Variants in XXYLT1 observed in about 807,000 individuals in gnomAD.
The protein encoded by XXYLT1 is xyloside xylosyltransferase 1.
In XXYLT1, 20 loss-of-function variants were observed where a neutral mutation model predicts 28.9. That is an observed-to-expected ratio of 0.69 (90% confidence interval 0.49 to 1.00). The LOEUF is 1.00. XXYLT1 is among the 50% of genes least tolerant of loss of function. The pLI is 0.00. For synonymous variants in XXYLT1, 257 were observed against 253.8 expected (o/e 1.01, Z -0.12); for missense variants, 542 against 560.1 (o/e 0.97, Z 0.33).
chr3:195,154,336 G>GGCACTAGGAGGCATGT (rs893366466), intron 3 of XXYLT1, among the ~76,000 whole-genome samples: 1 of 152,058 alleles, frequency 6.6e-6, no homozygotes, highest in Non-Finnish European at 1.5e-5. Flanking sequence ...GCAAAACGGT[G>GGCACTAGGAGGCATGT]GCACTAGGAG....
rs1723269402 is a variant in XXYLT1, at chr3:195,210,524, T to C, written c.652+16185A>G. Among the ~76,000 whole-genome samples the C allele has an allele frequency of 6.6e-6, 1 of 152,156 alleles. No homozygotes were observed. Among genetic ancestry groups the C allele is most frequent in the African/African-American group, 2.4e-5 (1 of 41,416 alleles). On this transcript the variant is annotated intron_variant, in intron 2 of 3. Coordinates refer to ENST00000310380, the MANE Select transcript of XXYLT1 (RefSeq NM_152531.5). This position sits in a 1 kb window ranked among gnomAD's most constrained non-coding sequence, Gnocchi z 4.8. ...TAGCCAAGAATTTAAAAGAAGATCT[T>C]GACAAATTAAAAGACAGAATCTAAT...
chr3:195,270,503 C>T, intron 1 of XXYLT1, 52 bp downstream of exon 1: 1 of 1,357,404 alleles, frequency 7.4e-7, no homozygotes, highest in East Asian at 3.1e-5. Context: ...ACTGACCTCG[C>T]CTAGGATGGG....
chr3:195,220,109 G>A (rs1306178677), intron 2 of XXYLT1, among the ~76,000 whole-genome samples: 1 of 152,106 alleles, frequency 6.6e-6, no homozygotes, highest in South Asian at 2.1e-4. Flanking sequence ...GGCTGGGGCG[G>A]ATATATGAAG....
intron 1 of XXYLT1, among the ~76,000 whole-genome samples, chr3:195,251,596 G>A (rs928045204): frequency 6.6e-6 from 1 of 152,176 alleles, no homozygotes; most frequent in African/African-American, 2.4e-5. Context: ...GAACGCTCTC[G>A]GAAGGTTGGC....
intron 1 of XXYLT1, among the ~76,000 whole-genome samples, chr3:195,258,934 TG>T (rs1467694157): frequency 1.3e-5 from 2 of 152,258 alleles, no homozygotes; most frequent in Non-Finnish European, 2.9e-5. Context: ...GCCCTCCAAC[TG>T]AATCAACGGT....
rs1044640025 is a variant in XXYLT1, at chr3:195,136,982, T to C, written c.785+19467A>G. The stretch of plus-strand genomic sequence containing the variant: ...ACTGAGAAATGAGCACAGGATTGAG[T>C]GTCTAAAAGGAGATGATTACACTGC... On this transcript the variant is annotated intron_variant, in intron 3 of 3. Transcript: ENST00000310380. Among the ~76,000 whole-genome samples the C allele has an allele frequency of 3.3e-5, 5 of 151,760 alleles. No individual in the cohort carries two copies. In the East Asian group the frequency reaches 9.7e-4, roughly 29 times the overall value.
intron 3 of XXYLT1, among the ~76,000 whole-genome samples, chr3:195,114,220 T>A (rs1717926105): frequency 6.6e-6 from 1 of 152,208 alleles, no homozygotes; most frequent in Non-Finnish European, 1.5e-5. Context: ...CAGGGAAAGC[T>A]GCATTGGGTG....
At chr3:195,137,352 G>T (rs1406348505) in intron 3 of XXYLT1, among the ~76,000 whole-genome samples, 1 of 152,194 alleles carries the variant, frequency 6.6e-6, no homozygotes. Context: ...ACCACACATG[G>T]TCAGCTCCAA....
intron 2 of XXYLT1, among the ~76,000 whole-genome samples, chr3:195,211,189 T>A (rs1341567542): frequency 2.0e-5 from 3 of 152,044 alleles, no homozygotes; most frequent in Non-Finnish European, 4.4e-5. Context: ...AGGTGAGGAG[T>A]TCGAGACCAG....
intron 2 of XXYLT1, among the ~76,000 whole-genome samples, chr3:195,170,706 C>G (rs1388240985): frequency 6.6e-6 from 1 of 152,158 alleles, no homozygotes; most frequent in East Asian, 1.9e-4. Flanking sequence ...AGAGACTGAG[C>G]CTTTCCCAGA....
intron 2 of XXYLT1, among the ~76,000 whole-genome samples, chr3:195,202,346 C>T (rs964128345): frequency 3.0e-4 from 39 of 131,350 alleles, no homozygotes; most frequent in African/African-American, 9.7e-4. Flanking sequence ...CCAAAACAGA[C>T]AATGGAATAG....
At chr3:195,167,419 C>T (rs1721183243) in intron 2 of XXYLT1, among the ~76,000 whole-genome samples, 1 of 152,068 alleles carries the variant, frequency 6.6e-6, no homozygotes, top group African/African-American at 2.4e-5. Flanking sequence ...GGTGAAACCC[C>T]ATCTCTACTA....
At chr3:195,247,161 G>A (rs914386298) in intron 1 of XXYLT1, among the ~76,000 whole-genome samples, 1 of 152,206 alleles carries the variant, frequency 6.6e-6, no homozygotes, top group Non-Finnish European at 1.5e-5. Flanking sequence ...CCCCAAAAAG[G>A]AGGGGAAGAG....
chr3:195,244,942 G>A (rs977118796), intron 1 of XXYLT1, among the ~76,000 whole-genome samples: 2 of 149,970 alleles, frequency 1.3e-5, no homozygotes, highest in South Asian at 2.1e-4. Flanking sequence ...AAGGTGGGTG[G>A]ATCACCTGAG....
At chr3:195,252,880 G>T (rs1376441201) in intron 1 of XXYLT1, among the ~76,000 whole-genome samples, 1 of 152,200 alleles carries the variant, frequency 6.6e-6, no homozygotes, top group East Asian at 1.9e-4. Context: ...GGCAGGGGCG[G>T]CGAGGCGGGG....
At chr3:195,229,859 A>T (rs993603228) in intron 1 of XXYLT1, among the ~76,000 whole-genome samples, 1 of 152,216 alleles carries the variant, frequency 6.6e-6, no homozygotes, top group African/African-American at 2.4e-5. Context: ...GGGGGTGCAG[A>T]TATGTCTTCG....
At chr3:195,268,123 A>G (rs1212990721) in intron 1 of XXYLT1, among the ~76,000 whole-genome samples, 1 of 151,894 alleles carries the variant, frequency 6.6e-6, no homozygotes, top group Non-Finnish European at 1.5e-5. Context: ...TTCTTATCAA[A>G]AACAAAACAA....
At position 195,150,625 on chromosome 3, in the gene XXYLT1, C is replaced by T. The variant is rs1257051630; in HGVS notation, c.785+5824G>A. Reference sequence around the variant, plus strand: ...CTGCCGCTTCCTCCTCAGGGTGGGCCGGGGCTCACACAGCACACGGCTGCC... The same window carrying T: ...CTGCCGCTTCCTCCTCAGGGTGGGCTGGGGCTCACACAGCACACGGCTGCC... On this transcript the variant is annotated intron_variant, in intron 3 of 3. Coordinates refer to ENST00000310380, the MANE Select transcript of XXYLT1 (RefSeq NM_152531.5). This position sits in a 1 kb window ranked among gnomAD's most constrained non-coding sequence, Gnocchi z 4.7. Among the ~76,000 whole-genome samples the T allele has an allele frequency of 2.0e-5, 3 of 152,204 alleles. No homozygotes were observed. In the East Asian group the frequency reaches 5.8e-4, roughly 29 times the overall value.
At chr3:195,219,080 C>G (rs1163994386) in intron 2 of XXYLT1, among the ~76,000 whole-genome samples, 1 of 151,438 alleles carries the variant, frequency 6.6e-6, no homozygotes, top group Admixed American at 6.6e-5. Flanking sequence ...AAACCAAACA[C>G]AGCATATTCT....
Sources: allele counts gnomAD v4.1 joint callset (sites outside exome capture counted in the v4.1 genomes callset), GRCh38; gene constraint gnomAD v4.1.1; non-coding constraint Gnocchi (gnomAD v3.1); transcripts MANE v1.5; gene names NCBI Gene and HGNC (gene_info 2026-07-23, HGNC 2026-07-21).